LRRC49: variants seen among roughly 807,000 people sequenced by gnomAD.
LRRC49 encodes leucine-rich repeat-containing protein 49.
A neutral mutation model predicts 83.3 loss-of-function variants in LRRC49; 50 were observed. That is an observed-to-expected ratio of 0.60 (90% CI 0.48 to 0.76). LRRC49 has a LOEUF of 0.76. Ranked by LOEUF, LRRC49 falls within the 30% of genes least tolerant of loss-of-function variation. The pLI is 0.00. For synonymous variants in LRRC49, 286 were observed against 283.3 expected (o/e 1.01, Z -0.10); for missense variants, 704 against 809.1 (o/e 0.87, Z 1.58).
chr15:70,993,801 A>G (rs2141243550), intron 11 of LRRC49, among the ~76,000 whole-genome samples: 1 of 152,290 alleles, frequency 6.6e-6, no homozygotes, highest in East Asian at 1.9e-4. Context: ...ATATTCTAAA[A>G]TTATAATAAG....
chr15:70,981,686 G>C (rs1015817055), intron 10 of LRRC49, among the ~76,000 whole-genome samples: 1 of 151,978 alleles, frequency 6.6e-6, no homozygotes, highest in Non-Finnish European at 1.5e-5. Context: ...ATGAAAAGTA[G>C]ACTCAAATGG....
At position 71,037,410 on chromosome 15, in the gene LRRC49, T is replaced by C; in HGVS notation, c.1857+78T>C. The C allele has an allele frequency of 1.7e-6, 2 of 1,191,040 alleles. 1 individual carries two copies. Among genetic ancestry groups the C allele is most frequent in the South Asian group, 3.3e-5 (2 of 60,680 alleles). 73.8% of individuals were successfully genotyped at this position (1,191,040 alleles called of 1,614,324 possible). On this transcript the variant is annotated intron_variant, in intron 15 of 15. Coordinates refer to ENST00000260382, the MANE Select transcript of LRRC49 (RefSeq NM_017691.5). ...CTTGGAATTTGGGGGTTGTACATTT[T>C]ACCCTTAGTTAAGATAACTTTTTTG...
At chr15:70,947,538 A>C (rs1391707607) in intron 8 of LRRC49, among the ~76,000 whole-genome samples, 1 of 152,210 alleles carries the variant, frequency 6.6e-6, no homozygotes, top group Non-Finnish European at 1.5e-5. Flanking sequence ...TGAGAATCAC[A>C]GTCTGTCACT....
At chr15:70,894,483 C>T (rs1331855628) in intron 2 of LRRC49, 2 of 424,580 alleles carry the variant, frequency 4.7e-6, no homozygotes, top group Non-Finnish European at 8.2e-6. Flanking sequence ...CCCATAATGT[C>T]TCTAGCATTT....
intron 9 of LRRC49, among the ~76,000 whole-genome samples, chr15:70,966,991 A>G (rs368040554): frequency 2.0e-5 from 3 of 152,170 alleles, no homozygotes; most frequent in Non-Finnish European, 2.9e-5. Context: ...GCAAAATGAT[A>G]TCAAAGAGCA....
chr15:70,872,596 C>G (rs993692637), intron 1 of LRRC49, among the ~76,000 whole-genome samples: 1 of 151,970 alleles, frequency 6.6e-6, no homozygotes, highest in Admixed American at 6.6e-5. Flanking sequence ...GAGATGATGT[C>G]AAAGATAAAG....
chr15:70,890,390 A>C (rs2033522725), upstream of LRRC49, among the ~76,000 whole-genome samples: 1 of 152,170 alleles, frequency 6.6e-6, no homozygotes, highest in African/African-American at 2.4e-5. Flanking sequence ...ATAATTGAAA[A>C]TTCAATTATA....
intron 9 of LRRC49, among the ~76,000 whole-genome samples, chr15:70,966,297 T>C (rs565303758): frequency 6.6e-6 from 1 of 152,194 alleles, no homozygotes; most frequent in South Asian, 2.1e-4. Flanking sequence ...TAGGGAGTGA[T>C]TTTTAACTTC....
At chr15:71,009,404 G>T (rs2141262329) in intron 12 of LRRC49, among the ~76,000 whole-genome samples, 1 of 151,962 alleles carries the variant, frequency 6.6e-6, no homozygotes, top group South Asian at 2.1e-4. Flanking sequence ...CAGGAAAATT[G>T]TGGGGGCCTG....
intron 14 of LRRC49, among the ~76,000 whole-genome samples, chr15:71,028,791 T>TC (rs762483662): frequency 3.3e-5 from 5 of 152,256 alleles, no homozygotes; most frequent in Admixed American, 6.5e-5. Context: ...AGTGGTGAAC[T>TC]CCCCTTTATC....
chr15:70,981,573 T>C (rs2037400098), intron 10 of LRRC49, among the ~76,000 whole-genome samples: 1 of 139,902 alleles, frequency 7.1e-6, no homozygotes, highest in Non-Finnish European at 1.6e-5. Context: ...ATAGATACTG[T>C]CTTCTGCCTT....
At chr15:70,872,714 G>C (rs2141077744) in intron 1 of LRRC49, among the ~76,000 whole-genome samples, 1 of 152,128 alleles carries the variant, frequency 6.6e-6, no homozygotes, top group Non-Finnish European at 1.5e-5. Context: ...ATTGAGACCA[G>C]ACAAGTTCCA....
At chr15:71,016,818 G>A (rs1011546820) in intron 14 of LRRC49, among the ~76,000 whole-genome samples, 1 of 151,908 alleles carries the variant, frequency 6.6e-6, no homozygotes, top group Non-Finnish European at 1.5e-5. Context: ...AATAAAATTG[G>A]GAACAGGCCT....
upstream of LRRC49, among the ~76,000 whole-genome samples, chr15:70,887,588 G>A (rs997842727): frequency 1.7e-4 from 26 of 151,844 alleles, no homozygotes; most frequent in African/African-American, 5.6e-4. Flanking sequence ...AAATAAAGGG[G>A]AACATTTCTT....
At chr15:71,037,104 A>ATT in intron 14 of LRRC49, 75 bp from the exon 15 acceptor site, 1 of 1,043,830 alleles carries the variant, frequency 9.6e-7, no homozygotes, top group Non-Finnish European at 1.4e-6. Flanking sequence ...TTCTCCTCTA[A>ATT]AGTCAACAAA....
rs550477500 is a variant in LRRC49, at chr15:70,859,810, T to A, written c.-299+6341T>A. 145 of 753,618 alleles carry A rather than the reference T, an allele frequency of 1.9e-4. 1 individual carries two copies. Among genetic ancestry groups the A allele is most frequent in the South Asian group, 1.8e-3 (134 of 74,390 alleles). The allele number at this position is 753,618 out of a possible 1,614,324, so 46.7% of individuals were successfully genotyped here. On this transcript the variant is annotated intron_variant, in intron 1 of 16. Transcript: ENST00000544974. ...CCTCTCTGCAATGGGCCAGGCAGGA[T>A]ATGGTGTGGCAGCTGCGTGAGTACC...
chr15:70,894,462 A>G (rs1264671920), intron 2 of LRRC49: 4 of 341,348 alleles, frequency 1.2e-5, no homozygotes, highest in South Asian at 2.5e-5. Context: ...TTTTTTCCCC[A>G]AGATTATTTC....
chr15:71,034,731 T>C (rs2141294791), intron 14 of LRRC49, among the ~76,000 whole-genome samples: 1 of 152,226 alleles, frequency 6.6e-6, no homozygotes, highest in South Asian at 2.1e-4. Context: ...TGAGGTCATG[T>C]CCCTTGCAAG....
intron 8 of LRRC49, among the ~76,000 whole-genome samples, chr15:70,961,973 A>C (rs758597707): frequency 1.5e-4 from 23 of 152,314 alleles, no homozygotes; most frequent in Non-Finnish European, 2.8e-4. Context: ...AAAATGTATG[A>C]AACAACCTCC....
Sources: allele counts gnomAD v4.1 joint callset (sites outside exome capture counted in the v4.1 genomes callset), GRCh38; gene constraint gnomAD v4.1.1; transcripts MANE v1.5; gene names NCBI Gene and HGNC (gene_info 2026-07-23, HGNC 2026-07-21).